ZNF827: variants seen among roughly 807,000 people sequenced by gnomAD.
ZNF827 encodes zinc finger protein 827.
In ZNF827, 13 loss-of-function variants were observed where a neutral mutation model predicts 102.4. The ratio of observed to expected loss-of-function variants is 0.13; its 90% CI spans 0.08 to 0.20. The LOEUF (loss-of-function observed/expected upper bound fraction) is 0.20, where lower values mean the gene tolerates loss of function less well. Among genes scored for constraint, ZNF827 ranks in the 10% least tolerant of loss-of-function variants. The probability of loss-of-function intolerance (pLI) is 1.00; values close to 1 mark genes in which losing one functional copy is unlikely to be tolerated. For synonymous variants in ZNF827, 523 were observed against 536.2 expected (o/e 0.98, Z 0.34); for missense variants, 1,103 against 1,344.4 (o/e 0.82, Z 2.81).
chr4:145,888,771 T>C (rs895144466), intron 3 of ZNF827, among the ~76,000 whole-genome samples: 2 of 152,238 alleles, frequency 1.3e-5, no homozygotes, highest in South Asian at 4.1e-4. Context: ...TGAATTCATG[T>C]TGAATTCCTG....
intron 8 of ZNF827, among the ~76,000 whole-genome samples, chr4:145,781,147 G>C (rs1737932263): frequency 8.0e-6 from 1 of 124,992 alleles, no homozygotes; most frequent in Non-Finnish European, 1.6e-5. Flanking sequence ...AGTGAGCCGA[G>C]ATTGTGCCAC....
At chr4:145,814,499 C>T (rs1742366808) in intron 8 of ZNF827, among the ~76,000 whole-genome samples, 1 of 152,062 alleles carries the variant, frequency 6.6e-6, no homozygotes, top group African/African-American at 2.4e-5. Context: ...CCAGAGGTCC[C>T]CAGGGAAATT....
At position 145,765,224 on chromosome 4, in the gene ZNF827, A is replaced by G; in HGVS notation, c.3053-59T>C. 1 of 1,502,146 alleles carries G rather than the reference A, an allele frequency of 6.7e-7. No individual in the cohort carries two copies. The allele number at this position is 1,502,146 out of a possible 1,614,324, so 93.1% of individuals were successfully genotyped here. Reference sequence around the variant, plus strand: ...AGGGCAGCGGGGAGAGGAGGGCAGGAGTGGAGCCAAGCTCCTCCCCACTTC... The same window carrying G: ...AGGGCAGCGGGGAGAGGAGGGCAGGGGTGGAGCCAAGCTCCTCCCCACTTC... On this transcript the variant is annotated intron_variant, in intron 12 of 14. Transcript: ENST00000508784. The surrounding 1 kb of genome is among the most constrained non-coding windows in gnomAD (Gnocchi z 4.7).
intron 5 of ZNF827, among the ~76,000 whole-genome samples, chr4:145,868,153 A>G (rs1477921818): frequency 6.6e-6 from 1 of 152,188 alleles, no homozygotes; most frequent in Non-Finnish European, 1.5e-5. Flanking sequence ...TCACATGCCT[A>G]TTGTTATGAC....
Position 145,765,041 on chromosome 4 carries a change from G to C in ZNF827, c.3177C>G (p.Pro1059=). ...CDVCHKFMKT[P]EQLLEHKKCH... ...ATTTCTTATGCTCCAGCAGCTGTTC[G>C]GGGGTCTTCATGAACTTGTGGCACA... Residue 1059 remains proline (P), a synonymous_variant, in exon 13 of 15, where the codon CCC becomes CCG. Coordinates refer to ENST00000508784, the MANE Select transcript of ZNF827 (RefSeq NM_001306215.2). The surrounding 1 kb of genome is among the most constrained non-coding windows in gnomAD (Gnocchi z 4.7). 1 of 1,614,158 alleles carries C rather than the reference G, an allele frequency of 6.2e-7. No individual in the cohort carries two copies. Among genetic ancestry groups the C allele is most frequent in the Non-Finnish European group, 8.5e-7 (1 of 1,180,032 alleles).
intron 1 of ZNF827, among the ~76,000 whole-genome samples, chr4:145,928,843 G>A (rs532123670): frequency 1.1e-4 from 17 of 152,306 alleles, no homozygotes; most frequent in Non-Finnish European, 2.4e-4. Flanking sequence ...TGAGGGAGGT[G>A]GGCAGGTGTA....
chr4:145,766,515 A>C (rs1055983146), intron 11 of ZNF827, among the ~76,000 whole-genome samples: 1 of 152,216 alleles, frequency 6.6e-6, no homozygotes, highest in Non-Finnish European at 1.5e-5. Context: ...CATTGCAGAG[A>C]GAAGGAACCA....
chr4:145,853,068 A>G (rs1172557854), intron 5 of ZNF827, among the ~76,000 whole-genome samples: 5 of 152,250 alleles, frequency 3.3e-5, no homozygotes, highest in Non-Finnish European at 7.3e-5. Context: ...GCTCCAAAGA[A>G]AGTTCAATCA....
intron 3 of ZNF827, among the ~76,000 whole-genome samples, chr4:145,887,253 T>A (rs961484124): frequency 7.2e-5 from 11 of 151,802 alleles, no homozygotes; most frequent in African/African-American, 2.7e-4. Context: ...CGAACCCAGG[T>A]CTCACCAAGG....
At chr4:145,928,156 A>AC (rs1753567064) in intron 1 of ZNF827, among the ~76,000 whole-genome samples, 1 of 152,238 alleles carries the variant, frequency 6.6e-6, no homozygotes, top group South Asian at 2.1e-4. Flanking sequence ...GACCAGGCTC[A>AC]CCATCTCCTG....
At chr4:145,853,318 C>T (rs1746718924) in intron 5 of ZNF827, among the ~76,000 whole-genome samples, 1 of 152,176 alleles carries the variant, frequency 6.6e-6, no homozygotes, top group Non-Finnish European at 1.5e-5. Context: ...AGGGACATGT[C>T]TACACACACA....
At chr4:145,891,062 C>T (rs1222516018) in intron 3 of ZNF827, among the ~76,000 whole-genome samples, 2 of 152,144 alleles carry the variant, frequency 1.3e-5, no homozygotes, top group East Asian at 3.8e-4. Context: ...TAATTATGTC[C>T]ATACATTATA....
intron 9 of ZNF827, among the ~76,000 whole-genome samples, chr4:145,777,892 A>G (rs1314549478): frequency 6.6e-6 from 1 of 152,066 alleles, no homozygotes; most frequent in Non-Finnish European, 1.5e-5. Flanking sequence ...CTGTTATTTG[A>G]ATTTTTATTT....
rs1480530774 is a variant in ZNF827, at chr4:145,822,925, T to C, written c.2383+497A>G. ...AGAGCACTGGATGGATATATGTAGA[T>C]ACTATGGCCAAGAAGAGAGACAAAA... On this transcript the variant is annotated intron_variant, in intron 8 of 14. Coordinates refer to ENST00000508784, the MANE Select transcript of ZNF827 (RefSeq NM_001306215.2). Among the ~76,000 whole-genome samples the C allele has an allele frequency of 4.6e-5, 7 of 152,200 alleles. No homozygotes were observed. The South Asian group carries it at 6.2e-4, about 14-fold the overall frequency.
At chr4:145,798,837 A>T (rs1179674652) in intron 8 of ZNF827, among the ~76,000 whole-genome samples, 1 of 152,204 alleles carries the variant, frequency 6.6e-6, no homozygotes, top group Non-Finnish European at 1.5e-5. Context: ...GCCATTTGTA[A>T]ATCTGAGTTG....
chr4:145,809,303 A>G (rs901237823), intron 8 of ZNF827, among the ~76,000 whole-genome samples: 4 of 152,374 alleles, frequency 2.6e-5, no homozygotes, highest in Middle Eastern at 3.4e-3. Flanking sequence ...AGATGATGAC[A>G]GTGAGAGAAG....
In ZNF827 at chr4:145,765,531, C is replaced by A; in HGVS notation, c.3052+16G>T. The stretch of plus-strand genomic sequence containing the variant: ...GTGCGGAGGGTTGAGCAGGCTCACA[C>A]CCACCTCCTCCTTACCTTTCTCTGG... On this transcript the variant is annotated intron_variant, in intron 12 of 14. Transcript: ENST00000508784. This position sits in a 1 kb window ranked among gnomAD's most constrained non-coding sequence, Gnocchi z 4.7. The A allele has an allele frequency of 6.2e-7, 1 of 1,602,298 alleles. No homozygotes were observed. Among genetic ancestry groups the A allele is most frequent in the Admixed American group, 1.7e-5 (1 of 59,252 alleles).
At chr4:145,893,297 A>G (rs574399469) in intron 2 of ZNF827, among the ~76,000 whole-genome samples, 89 of 152,380 alleles carry the variant, frequency 5.8e-4, no homozygotes, top group African/African-American at 1.8e-3. Flanking sequence ...TCAGTGCCAC[A>G]CTAGCCTCTG....
chr4:145,890,718 C>T (rs1216740206), intron 3 of ZNF827, among the ~76,000 whole-genome samples: 3 of 152,086 alleles, frequency 2.0e-5, no homozygotes, highest in East Asian at 3.9e-4. Context: ...TTCAACTTTG[C>T]AGGTTTAAAA....
Sources: allele counts gnomAD v4.1 joint callset (sites outside exome capture counted in the v4.1 genomes callset), GRCh38; gene constraint gnomAD v4.1.1; non-coding constraint Gnocchi (gnomAD v3.1); transcripts MANE v1.5; gene names NCBI Gene and HGNC (gene_info 2026-07-23, HGNC 2026-07-21).